The following USP38 variants were observed in gnomAD, a reference collection of about 807,000 sequenced individuals.
USP38 encodes the protein ubiquitin carboxyl-terminal hydrolase 38.
A neutral mutation model predicts 94.3 loss-of-function variants in USP38; 49 were observed. That is an observed-to-expected ratio of 0.52 (90% CI 0.41 to 0.66). The LOEUF is 0.66. Among genes scored for constraint, USP38 ranks in the 30% least tolerant of loss-of-function variants. USP38 has a pLI of 0.00. For missense variants in USP38, 1,128 were observed against 1,229.4 expected (o/e 0.92, Z 1.23); for synonymous variants, 468 against 463.6 (o/e 1.01, Z -0.12).
At chr4:143,189,106 A>G (rs1321123446) in intron 2 of USP38, among the ~76,000 whole-genome samples, 1 of 152,048 alleles carries the variant, frequency 6.6e-6, no homozygotes, top group Non-Finnish European at 1.5e-5. Flanking sequence ...GCAATTTTAA[A>G]TAAGATGGAT....
In USP38 at chr4:143,214,401, G is replaced by A; in HGVS notation, c.2425G>A (p.Val809Ile). 3.1e-6 allele frequency: 5 copies of A among 1,613,778 alleles called. No individual in the cohort carries two copies. The highest frequency in any genetic ancestry group is 4.2e-6 in the Non-Finnish European group (5 of 1,179,816). The change falls in exon 9 of 10, where the codon GTA becomes ATA. Residue 809 changes from valine (V) to isoleucine (I), a missense_variant. Physicochemically the swap from Val to Ile is conservative, Grantham distance 29. Transcript: ENST00000307017. ...SFSSLSESWS[V>I]DVDFTDLSEN... ...CTCTTCATTGTCAGAAAGTTGGTCT[G>A]TAGATGTTGACTTCACTGATCTTAG... is the stretch of plus-strand genomic sequence containing the variant.
chr4:143,184,931 G>A lies in USP38; in HGVS notation c.-520G>A, dbSNP rs1731156988. 1 of 151,172 alleles carries A rather than the reference G, an allele frequency of 6.6e-6. No homozygotes were observed. The highest frequency in any genetic ancestry group is 1.5e-5 in the Non-Finnish European group (1 of 68,364). The allele number at this position is 151,172 out of a possible 1,614,324, so 9.4% of individuals were successfully genotyped here. ...TGTTTGCCGGCACTTCAAAATCCGG[G>A]TCAAAGGGTGTCGCTTCGGTCTCTT... On this transcript the variant is annotated 5_prime_UTR_variant, in exon 1 of 10. Transcript: ENST00000307017.
Position 143,185,193 on chromosome 4 carries a change from C to A in USP38, c.-258C>A, listed in dbSNP as rs923211938. The A allele has an allele frequency of 1.3e-5, 5 of 386,688 alleles. No homozygotes were observed. Among genetic ancestry groups the A allele is most frequent in the Non-Finnish European group, 2.3e-5 (5 of 216,596 alleles). The allele number at this position is 386,688 out of a possible 1,614,324, so 24.0% of individuals were successfully genotyped here. On this transcript the variant is annotated 5_prime_UTR_variant, in exon 1 of 10. Coordinates refer to ENST00000307017, the MANE Select transcript of USP38 (RefSeq NM_032557.6). Reference sequence around the variant, plus strand: ...TGGGATCGAGGGCCCGGGGCGGCGGCGGAGTACGGGCCTCTGGCGCCTTAG... The same window carrying A: ...TGGGATCGAGGGCCCGGGGCGGCGGAGGAGTACGGGCCTCTGGCGCCTTAG...
At position 143,185,802 on chromosome 4, in the gene USP38, C is replaced by G; in HGVS notation, c.352C>G (p.Pro118Ala). Reference protein sequence around the residue: ...HNGLKLIMSCPSVLDLFSLLQ... With the variant: ...HNGLKLIMSCASVLDLFSLLQ... Reference sequence around the variant, plus strand: ...CGGCCTGAAGCTGATTATGAGCTGTCCGTCGGTGCTGGATCTCTTTAGCCT... The same window carrying G: ...CGGCCTGAAGCTGATTATGAGCTGTGCGTCGGTGCTGGATCTCTTTAGCCT... The change falls in exon 1 of 10, where the codon CCG becomes GCG. Residue 118 changes from proline to alanine, a missense_variant. Pro to Ala is a conservative substitution (Grantham distance 27). Coordinates refer to ENST00000307017, the MANE Select transcript of USP38 (RefSeq NM_032557.6). 1 of 1,614,196 alleles carries G rather than the reference C, an allele frequency of 6.2e-7. No individual in the cohort carries two copies. The highest frequency in any genetic ancestry group is 8.5e-7 in the Non-Finnish European group (1 of 1,180,026).
At chr4:143,188,156 A>G (rs1731283787) in intron 2 of USP38, among the ~76,000 whole-genome samples, 195 bp downstream of exon 2, 1 of 152,156 alleles carries the variant, frequency 6.6e-6, no homozygotes, top group African/African-American at 2.4e-5. Flanking sequence ...TCTATTTTCA[A>G]TTCAACTTTT....
In USP38 at chr4:143,212,435, T is replaced by G; in HGVS notation, c.1604+11T>G. The G allele has an allele frequency of 6.4e-7, 1 of 1,561,612 alleles. No individual in the cohort carries two copies. Among genetic ancestry groups the G allele is most frequent in the Non-Finnish European group, 8.7e-7 (1 of 1,151,596 alleles). On this transcript the variant is annotated intron_variant, in intron 8 of 9. Coordinates refer to ENST00000307017, the MANE Select transcript of USP38 (RefSeq NM_032557.6). ...ATTTCTCCTTGACAGGTAAAAAGTA[T>G]TCTTAAAATTGTGATTTGAGTGTTG... is the stretch of plus-strand genomic sequence containing the variant.
intron 2 of USP38, among the ~76,000 whole-genome samples, chr4:143,194,921 G>T (rs1357630238): frequency 6.6e-6 from 1 of 150,624 alleles, no homozygotes; most frequent in Non-Finnish European, 1.5e-5. Context: ...ACTAAATTGG[G>T]TAATTTAATG....
intron 4 of USP38, among the ~76,000 whole-genome samples, chr4:143,201,331 A>AG (rs1731709437): frequency 6.6e-6 from 1 of 152,204 alleles, no homozygotes; most frequent in South Asian, 2.1e-4. Flanking sequence ...AGCCATATGA[A>AG]GAAGATTGAA....
intron 6 of USP38, among the ~76,000 whole-genome samples, chr4:143,206,664 T>C (rs796799387): frequency 9.8e-5 from 15 of 152,332 alleles, no homozygotes; most frequent in African/African-American, 3.1e-4. Context: ...CACTCCAGCC[T>C]GGGTTACAGA....
At chr4:143,194,099 A>G (rs1266028013) in intron 2 of USP38, among the ~76,000 whole-genome samples, 1 of 152,190 alleles carries the variant, frequency 6.6e-6, no homozygotes, top group Non-Finnish European at 1.5e-5. Flanking sequence ...AAAAAGAAAA[A>G]AGATGTCAGT....
chr4:143,218,374 A>G (rs1316023246), intron 9 of USP38, among the ~76,000 whole-genome samples: 2 of 152,122 alleles, frequency 1.3e-5, no homozygotes, highest in African/African-American at 4.8e-5. Context: ...TAAATTTGTG[A>G]TATAAATTAC....
chr4:143,212,339 A>T lies in USP38; in HGVS notation c.1519A>T (p.Ile507Leu). 1 of 1,611,352 alleles carries T rather than the reference A, an allele frequency of 6.2e-7. No individual in the cohort carries two copies. The highest frequency in any genetic ancestry group is 8.5e-7 in the Non-Finnish European group (1 of 1,178,610). Reference protein sequence around the residue: ...HTQREAYAPRIFFEASRPPWF... With the variant: ...HTQREAYAPRLFFEASRPPWF... Reference sequence around the variant, plus strand: ...AAAGAGGGAAGCATACGCACCTCGGATATTCTTTGAGGCTTCCAGACCTCC... The same window carrying T: ...AAAGAGGGAAGCATACGCACCTCGGTTATTCTTTGAGGCTTCCAGACCTCC... The change falls in exon 8 of 10, where the codon ATA becomes TTA. Residue 507 changes from isoleucine to leucine, a missense_variant. Transcript: ENST00000307017.
chr4:143,219,982 T>C (rs1039923524), intron 9 of USP38, among the ~76,000 whole-genome samples: 4 of 152,148 alleles, frequency 2.6e-5, no homozygotes, highest in Non-Finnish European at 5.9e-5. Context: ...CCTTTATTCA[T>C]ACATTTAACT....
chr4:143,202,029 ATTAC>A (rs571976701), intron 4 of USP38, among the ~76,000 whole-genome samples: 204 of 152,306 alleles, frequency 1.3e-3, no homozygotes, highest in African/African-American at 4.6e-3. Flanking sequence ...AAATTTAATA[ATTAC>A]TTCTAAAATT....
In USP38 at chr4:143,223,473, T is replaced by TA. The variant is rs1347056911; in HGVS notation, c.*3018dup. ...TCAAGCTAAGTCTTAAGTTCAAATC[T>TA]ATAATTTTTTTCTCTTCAGTTCTGT... On this transcript the variant is annotated 3_prime_UTR_variant, in exon 10 of 10. Transcript: ENST00000307017. 6.6e-6 allele frequency: 1 copy of TA among 152,180 alleles called. No homozygotes were observed. Among genetic ancestry groups the TA allele is most frequent in the Non-Finnish European group, 1.5e-5 (1 of 68,010 alleles). 9.4% of individuals were successfully genotyped at this position (152,180 alleles called of 1,614,324 possible). A position where few individuals can be genotyped will look rare whatever the true frequency, so the allele number is the denominator to read the frequency against.
Position 143,185,380 on chromosome 4 carries a change from C to G in USP38, c.-71C>G, listed in dbSNP as rs1323237372. 4 of 1,490,690 alleles carry G rather than the reference C, an allele frequency of 2.7e-6. No individual in the cohort carries two copies. The African/African-American group carries it at 5.6e-5, about 21-fold the overall frequency. The allele number at this position is 1,490,690 out of a possible 1,614,324, so 92.3% of individuals were successfully genotyped here. ...CCAAGTTCATCTCCGCCCCGGGGCT[C>G]TCCTGCCCCACCTCGGGGCTGCCGC... On this transcript the variant is annotated 5_prime_UTR_variant, in exon 1 of 10. Coordinates refer to ENST00000307017, the MANE Select transcript of USP38 (RefSeq NM_032557.6).
intron 2 of USP38, among the ~76,000 whole-genome samples, chr4:143,188,383 T>C (rs1234781588): frequency 1.3e-5 from 2 of 152,104 alleles, no homozygotes; most frequent in African/African-American, 4.8e-5. Flanking sequence ...CTGTTTGAAT[T>C]TTTTTTCTTT....
intron 4 of USP38, among the ~76,000 whole-genome samples, chr4:143,202,429 T>C (rs1039262723): frequency 6.6e-6 from 1 of 152,134 alleles, no homozygotes; most frequent in Non-Finnish European, 1.5e-5. Context: ...CTAATAGTTA[T>C]AACTTTTTTA....
Position 143,220,630 on chromosome 4 carries a change from T to A in USP38, c.*174T>A. The A allele has an allele frequency of 1.6e-6, 1 of 613,478 alleles. No homozygotes were observed. 38.0% of individuals were successfully genotyped at this position (613,478 alleles called of 1,614,324 possible). A position where few individuals can be genotyped will look rare whatever the true frequency, so the allele number is the denominator to read the frequency against. On this transcript the variant is annotated 3_prime_UTR_variant, in exon 10 of 10. Coordinates refer to ENST00000307017, the MANE Select transcript of USP38 (RefSeq NM_032557.6). Reference sequence around the variant, plus strand: ...ACACATTTATTAACAAAATGCATCATGGAAAAAAAAATCTACCTCTTAAAA... The same window carrying A: ...ACACATTTATTAACAAAATGCATCAAGGAAAAAAAAATCTACCTCTTAAAA...
Sources: gnomAD v4.1 joint callset for allele counts (sites outside exome capture counted in the v4.1 genomes callset) on GRCh38, gnomAD v4.1.1 for gene constraint, MANE v1.5 for transcripts, NCBI Gene and HGNC (gene_info 2026-07-23, HGNC 2026-07-21) for gene names.